RHPN1: variants seen among roughly 807,000 people sequenced by gnomAD.
RHPN1 encodes rhophilin Rho GTPase binding protein 1.
RHPN1 carries 77 observed loss-of-function variants against 74.7 expected under a neutral mutation model. That is an observed-to-expected ratio of 1.03 (90% CI 0.86 to 1.25). RHPN1 has a LOEUF of 1.25. Among genes scored for constraint, RHPN1 ranks in the 50% most tolerant of loss-of-function variants. The probability of loss-of-function intolerance (pLI) is 0.00; values close to 1 mark genes in which losing one functional copy is unlikely to be tolerated. For missense variants in RHPN1, 987 were observed against 932.2 expected (o/e 1.06, Z -0.77); for synonymous variants, 444 against 414.5 (o/e 1.07, Z -0.87).
In RHPN1 at chr8:143,382,736, GCAA is replaced by G; in HGVS notation, c.*86_*88del. On this transcript the variant is annotated 3_prime_UTR_variant, in exon 15 of 15. Coordinates refer to ENST00000289013, the MANE Select transcript of RHPN1 (RefSeq NM_052924.3). ...CCCTCCCCACCCAGAGGACCTCCGG[GCAA>G]TGCCTGTCCCGCCTCATGCTGGAGG... The G allele has an allele frequency of 8.4e-7, 1 of 1,190,424 alleles. No homozygotes were observed. The highest frequency in any genetic ancestry group is 1.2e-6 in the Non-Finnish European group (1 of 847,448). The allele number at this position is 1,190,424 out of a possible 1,614,324, so 73.7% of individuals were successfully genotyped here.
At chr8:143,379,175 A>G (rs1818511097) in intron 7 of RHPN1, 97 bp downstream of exon 7, 3 of 1,396,940 alleles carry the variant, frequency 2.1e-6, no homozygotes, top group East Asian at 2.5e-5. Flanking sequence ...TTAGGACATC[A>G]GTCCCTCAGG....
chr8:143,381,753 T>G (rs1258255209), intron 13 of RHPN1, 35 bp downstream of exon 13: 2 of 1,605,932 alleles, frequency 1.2e-6, no homozygotes, highest in South Asian at 2.2e-5. Context: ...GGCTGAGTCC[T>G]TGGTGCCAGC....
chr8:143,381,541 G>A, intron 12 of RHPN1, 31 bp from the exon 13 acceptor site: 1 of 1,590,976 alleles, frequency 6.3e-7, no homozygotes, highest in Non-Finnish European at 8.5e-7. Context: ...GTGTGGCCCA[G>A]CTGGGCCTCT....
rs201896417 is a variant in RHPN1, at chr8:143,376,625, G to T, written c.277G>T (p.Gly93Cys). The part of the protein sequence containing the change: ...LLKEELEELS[G>C]GVDPGRHGSE... Reference sequence around the variant, plus strand: ...GAAGGAGGAGCTGGAGGAGCTCAGCGGTGGCGTGGACCCTGGCCGGCATGG... The same window carrying T: ...GAAGGAGGAGCTGGAGGAGCTCAGCTGTGGCGTGGACCCTGGCCGGCATGG... Residue 93 changes from glycine to cysteine, a missense_variant, in exon 3 of 15, where the codon GGT becomes TGT. By Grantham distance (159) the Gly-to-Cys change is radical. Transcript: ENST00000289013. 2 of 1,583,794 alleles carry T rather than the reference G, an allele frequency of 1.3e-6. No homozygotes were observed. Among genetic ancestry groups the T allele is most frequent in the Admixed American group, 3.6e-5 (2 of 55,510 alleles).
chr8:143,376,984 A>C (rs902741621), intron 3 of RHPN1, among the ~76,000 whole-genome samples: 1 of 143,784 alleles, frequency 7.0e-6, no homozygotes, highest in Non-Finnish European at 1.5e-5. Context: ...GTGCGTGTGC[A>C]TGTCTGCGTG....
chr8:143,380,529 G>A, intron 10 of RHPN1, 60 bp from the exon 11 acceptor site: 12 of 1,405,792 alleles, frequency 8.5e-6, no homozygotes, highest in Non-Finnish European at 1.1e-5. Context: ...CACTCCTTCT[G>A]CCACGTCCCA....
At chr8:143,379,735 G>A (rs964681290) in intron 8 of RHPN1, 94 bp from the exon 9 acceptor site, 10 of 1,481,582 alleles carry the variant, frequency 6.7e-6, no homozygotes, top group South Asian at 5.4e-5. Context: ...AGGCTGCTGG[G>A]ATGGTGGTCG....
intron 1 of RHPN1, among the ~76,000 whole-genome samples, chr8:143,374,779 C>T (rs560888150): frequency 9.8e-5 from 15 of 152,318 alleles, no homozygotes; most frequent in Non-Finnish European, 1.6e-4. Flanking sequence ...ACTGGATCTC[C>T]CTAGAGTGAA....
At chr8:143,382,035 C>G in intron 14 of RHPN1, 67 bp downstream of exon 14, 3 of 1,427,488 alleles carry the variant, frequency 2.1e-6, no homozygotes, top group Non-Finnish European at 2.8e-6. Flanking sequence ...CTGGGCCTGC[C>G]TTGGATGCTT....
In RHPN1 at chr8:143,382,672, C is replaced by T; in HGVS notation, c.*21C>T. The T allele has an allele frequency of 6.3e-7, 1 of 1,588,338 alleles. No individual in the cohort carries two copies. The highest frequency in any genetic ancestry group is 1.7e-5 in the Admixed American group (1 of 59,276). Reference sequence around the variant, plus strand: ...CGTGAGGGCCAGGATCCCTGCACGCCTCAGCCCTGGCTCCAGCTGGCAGCA... The same window carrying T: ...CGTGAGGGCCAGGATCCCTGCACGCTTCAGCCCTGGCTCCAGCTGGCAGCA... On this transcript the variant is annotated 3_prime_UTR_variant, in exon 15 of 15. Coordinates refer to ENST00000289013, the MANE Select transcript of RHPN1 (RefSeq NM_052924.3).
rs751441272 is a variant in RHPN1, at chr8:143,380,790, A to C, written c.1411+7A>C. 6.5e-7 allele frequency: 1 copy of C among 1,545,458 alleles called. No individual in the cohort carries two copies. Among genetic ancestry groups the C allele is most frequent in the Non-Finnish European group, 8.8e-7 (1 of 1,140,416 alleles). On this transcript the variant is annotated splice_region_variant and intron_variant, in intron 11 of 14. Transcript: ENST00000289013. ...GAGGCCCCGGACATCCAGCGTGAGC[A>C]GCCAGGGCCTGTCTGGGTGGCTGCA...
At chr8:143,374,091 C>T (rs1818048705) in intron 1 of RHPN1, 1 of 977,644 alleles carries the variant, frequency 1.0e-6, no homozygotes, top group Admixed American at 6.2e-5. Flanking sequence ...AATTAAAATG[C>T]ACACAAAGAT....
Position 143,380,132 on chromosome 8 carries a change from A to T in RHPN1, c.1173A>T (p.Arg391=). ...AGCCCCCCACCTCCTCTAAGCCCCG[A>T]GGCCCTGTGCTGCCGCAGGAGCTGG... ...FLQPPTSSKP[R]GPVLPQELEE... Residue 391 remains arginine (R), a synonymous_variant, in exon 10 of 15, where the codon CGA becomes CGT. Coordinates refer to ENST00000289013, the MANE Select transcript of RHPN1 (RefSeq NM_052924.3). 1 of 1,550,442 alleles carries T rather than the reference A, an allele frequency of 6.4e-7. No homozygotes were observed. The highest frequency in any genetic ancestry group is 8.7e-7 in the Non-Finnish European group (1 of 1,148,338).
At chr8:143,365,305 C>T (rs1817543925), upstream of RHPN1, among the ~76,000 whole-genome samples, 1 of 152,200 alleles carries the variant, frequency 6.6e-6, no homozygotes, top group African/African-American at 2.4e-5. Flanking sequence ...AATGCCCCAG[C>T]ACCCACTGGG....
chr8:143,380,153 G>C lies in RHPN1; in HGVS notation c.1194G>C (p.Glu398Asp). The change falls in exon 10 of 15, where the codon GAG becomes GAC. Residue 398 changes from glutamate to aspartate, a missense_variant. Physicochemically the swap from Glu to Asp is conservative, Grantham distance 45. Coordinates refer to ENST00000289013, the MANE Select transcript of RHPN1 (RefSeq NM_052924.3). The stretch of plus-strand genomic sequence containing the variant: ...CCCGAGGCCCTGTGCTGCCGCAGGA[G>C]CTGGAGGAGCGCAGGCAGCTTGGTA... The part of the protein sequence containing the change: ...SKPRGPVLPQ[E>D]LEERRQLGKA... 1 of 1,546,118 alleles carries C rather than the reference G, an allele frequency of 6.5e-7. No individual in the cohort carries two copies. Among genetic ancestry groups the C allele is most frequent in the Non-Finnish European group, 8.7e-7 (1 of 1,146,262 alleles).
upstream of RHPN1, among the ~76,000 whole-genome samples, chr8:143,366,292 C>T (rs186794257): frequency 8.2e-4 from 125 of 152,304 alleles, 1 homozygote; most frequent in African/African-American, 2.6e-3. Flanking sequence ...CCTCTACTTT[C>T]TCACCTCCCA....
rs1233047399 is a variant in RHPN1, at chr8:143,372,873, G to A, written c.61-2680G>A. 6.1e-5 allele frequency among the ~76,000 whole-genome samples: 6 copies of A among 99,136 alleles called. No individual in the cohort carries two copies. The East Asian group carries it at 1.7e-3, about 29-fold the overall frequency. The allele number at this position is 99,136 out of a possible 152,430, so 65.0% of individuals were successfully genotyped here. A position where few individuals can be genotyped will look rare whatever the true frequency, so the allele number is the denominator to read the frequency against. On this transcript the variant is annotated intron_variant, in intron 1 of 14. Coordinates refer to ENST00000289013, the MANE Select transcript of RHPN1 (RefSeq NM_052924.3). The stretch of plus-strand genomic sequence containing the variant: ...TGGGGGACAATGCGGGGGTTTGGGG[G>A]ATGGCGTGGGTTCCAGGGGATGGTG...
At chr8:143,382,411 CA>C (rs1818802461) in intron 14 of RHPN1, 24 bp from the exon 15 acceptor site, 1 of 1,544,002 alleles carries the variant, frequency 6.5e-7, no homozygotes, top group South Asian at 1.2e-5. Flanking sequence ...TGGCTGACCA[CA>C]GTCTGTCTCT....
rs1015489757 is a variant in RHPN1, at chr8:143,377,701, C to T, written c.381+246C>T. Reference sequence around the variant, plus strand: ...GCTGATCCCATAGAGTGGGTGTGAACATGTGCCCTACCCTCGGATGGGCAA... The same window carrying T: ...GCTGATCCCATAGAGTGGGTGTGAATATGTGCCCTACCCTCGGATGGGCAA... On this transcript the variant is annotated intron_variant, in intron 4 of 14. Transcript: ENST00000289013. Among the ~76,000 whole-genome samples, 12 of 152,164 alleles carry T rather than the reference C, an allele frequency of 7.9e-5. 1 individual carries two copies. The highest frequency in any genetic ancestry group is 1.2e-4 in the Non-Finnish European group (8 of 68,010).
Sources: allele counts gnomAD v4.1 joint callset (sites outside exome capture counted in the v4.1 genomes callset), GRCh38; gene constraint gnomAD v4.1.1; transcripts MANE v1.5; gene names NCBI Gene and HGNC (gene_info 2026-07-23, HGNC 2026-07-21).